PLB1: variants seen among roughly 807,000 people sequenced by gnomAD.
PLB1 encodes the protein phospholipase B1.
A neutral mutation model predicts 227.4 loss-of-function variants in PLB1; 242 were observed. The ratio of observed to expected loss-of-function variants is 1.06; its 90% CI spans 0.96 to 1.18. The LOEUF (loss-of-function observed/expected upper bound fraction) is 1.18, where lower values mean the gene tolerates loss of function less well. Among genes scored for constraint, PLB1 ranks in the 50% most tolerant of loss-of-function variants. The pLI, the probability that PLB1 is intolerant of heterozygous loss-of-function variation, is 0.00. For missense variants in PLB1, 1,858 were observed against 1,816.3 expected (o/e 1.02, Z -0.42); for synonymous variants, 757 against 682.2 (o/e 1.11, Z -1.71).
chr2:28,579,783 G>A, intron 23 of PLB1, 76 bp downstream of exon 23: 1 of 1,268,292 alleles, frequency 7.9e-7, no homozygotes, highest in Non-Finnish European at 1.2e-6. Context: ...GCTCTGCCCG[G>A]GAGGAGTACA....
intron 51 of PLB1, 29 bp downstream of exon 51, chr2:28,626,537 C>G (rs773848580): frequency 2.5e-6 from 4 of 1,596,720 alleles, no homozygotes; most frequent in Non-Finnish European, 2.6e-6. Flanking sequence ...CCATGGGGAC[C>G]TGAGAAGGAA....
At chr2:28,611,568 A>G (rs968169111) in intron 43 of PLB1, among the ~76,000 whole-genome samples, 1 of 151,708 alleles carries the variant, frequency 6.6e-6, no homozygotes, top group Admixed American at 6.6e-5. Flanking sequence ...CTGTCTCCCC[A>G]CCTGAGCCAA....
At chr2:28,586,810 C>T (rs1473577989) in intron 26 of PLB1, among the ~76,000 whole-genome samples, 1 of 152,150 alleles carries the variant, frequency 6.6e-6, no homozygotes, top group Admixed American at 6.5e-5. Context: ...TGCAGTGGCA[C>T]AATCTTGGCT....
intron 41 of PLB1, among the ~76,000 whole-genome samples, chr2:28,605,482 A>C (rs563742185): frequency 6.6e-6 from 1 of 152,078 alleles, no homozygotes; most frequent in African/African-American, 2.4e-5. Flanking sequence ...CCAGCAGACC[A>C]AAAGCTGGGA....
intron 17 of PLB1, among the ~76,000 whole-genome samples, chr2:28,560,107 G>A (rs1180055655): frequency 6.6e-6 from 1 of 152,124 alleles, no homozygotes; most frequent in East Asian, 1.9e-4. Context: ...ACAACTTTCA[G>A]TTTATCCTTC....
chr2:28,519,905 T>C lies in PLB1; in HGVS notation c.243+142T>C, dbSNP rs1669290590. On this transcript the variant is annotated intron_variant, in intron 4 of 57. Coordinates refer to ENST00000327757, the MANE Select transcript of PLB1 (RefSeq NM_153021.5). ...AGATAAATCCAGGAGGTTGAATCTT[T>C]TTATTTTTATTTTATTTTATTATTT... 4 of 352,768 alleles carry C rather than the reference T, an allele frequency of 1.1e-5. No individual in the cohort carries two copies. In the Admixed American group the frequency reaches 1.9e-4, roughly 17 times the overall value. The allele number at this position is 352,768 out of a possible 1,614,324, so 21.9% of individuals were successfully genotyped here.
chr2:28,623,828 G>A (rs1325154272), intron 49 of PLB1, among the ~76,000 whole-genome samples: 1 of 152,216 alleles, frequency 6.6e-6, no homozygotes, highest in African/African-American at 2.4e-5. Flanking sequence ...TTGGCTGGGT[G>A]CGGTGGCTCA....
At chr2:28,622,719 C>T (rs749526444) in intron 49 of PLB1, among the ~76,000 whole-genome samples, 2 of 152,174 alleles carry the variant, frequency 1.3e-5, no homozygotes, top group Non-Finnish European at 2.9e-5. Context: ...GAAACCCCAT[C>T]TCTACTAAAA....
At chr2:28,620,726 A>C in intron 48 of PLB1, 83 bp downstream of exon 48, 2 of 1,586,850 alleles carry the variant, frequency 1.3e-6, no homozygotes, top group Non-Finnish European at 1.7e-6. Flanking sequence ...GGGGAAGAGG[A>C]GGTTATCTGC....
chr2:28,547,536 CAG>C (rs1673482553), intron 14 of PLB1, among the ~76,000 whole-genome samples: 3 of 152,340 alleles, frequency 2.0e-5, no homozygotes, highest in African/African-American at 4.8e-5. Context: ...TATTGGGGCA[CAG>C]ATGCTGGGGT....
intron 9 of PLB1, among the ~76,000 whole-genome samples, chr2:28,537,825 T>C (rs770525895): frequency 7.2e-5 from 11 of 152,072 alleles, no homozygotes; most frequent in Non-Finnish European, 1.2e-4. Context: ...TCTCTAGGAA[T>C]GCTTATCTTA....
At chr2:28,633,470 G>A (rs1195162638) in intron 56 of PLB1, 6 of 167,842 alleles carry the variant, frequency 3.6e-5, no homozygotes, top group Non-Finnish European at 7.8e-5. Flanking sequence ...ATGGCACCTA[G>A]CACAATAGTT....
chr2:28,561,129 T>G (rs1277672721), intron 17 of PLB1, among the ~76,000 whole-genome samples: 1 of 152,248 alleles, frequency 6.6e-6, no homozygotes, highest in African/African-American at 2.4e-5. Context: ...CACACCTCTT[T>G]TAGTGTTTAT....
At chr2:28,604,364 G>C (rs1034096827) in intron 40 of PLB1, among the ~76,000 whole-genome samples, 3 of 152,200 alleles carry the variant, frequency 2.0e-5, no homozygotes, top group African/African-American at 7.2e-5. Context: ...CCACTCCAAA[G>C]GCAGGTGCCG....
intron 2 of PLB1, among the ~76,000 whole-genome samples, chr2:28,517,480 T>C (rs746393612): frequency 6.6e-6 from 1 of 152,164 alleles, no homozygotes; most frequent in Non-Finnish European, 1.5e-5. Context: ...ACCTGAGTAC[T>C]GGTCACCAAT....
chr2:28,630,062 T>G (rs1490541454), intron 53 of PLB1, among the ~76,000 whole-genome samples: 1 of 152,194 alleles, frequency 6.6e-6, no homozygotes. Context: ...TTGTCAGAGT[T>G]GCTTCCAGCC....
At position 28,614,105 on chromosome 2, in the gene PLB1, T is replaced by C; in HGVS notation, c.3195+9T>C. ...TCAAGCCAGCCATTGAGGTAACCCC[T>C]GACTCACATCTGCCTCTCTCAGACA... On this transcript the variant is annotated intron_variant, in intron 44 of 57. Coordinates refer to ENST00000327757, the MANE Select transcript of PLB1 (RefSeq NM_153021.5). 1.2e-6 allele frequency: 2 copies of C among 1,606,340 alleles called. No individual in the cohort carries two copies. Among genetic ancestry groups the C allele is most frequent in the South Asian group, 2.2e-5 (2 of 90,918 alleles).
chr2:28,593,998 A>G (rs1161863002), intron 33 of PLB1: 1 of 737,878 alleles, frequency 1.4e-6, no homozygotes, highest in South Asian at 1.4e-5. Flanking sequence ...TTCTTATCAG[A>G]CTCCTGGGTC....
At chr2:28,507,730 C>T (rs1667786794) in intron 1 of PLB1, among the ~76,000 whole-genome samples, 1 of 152,148 alleles carries the variant, frequency 6.6e-6, no homozygotes, top group African/African-American at 2.4e-5. Context: ...CTGCTTTCCT[C>T]CCTTGGGGCA....
Sources: gnomAD v4.1 joint callset for allele counts (sites outside exome capture counted in the v4.1 genomes callset) on GRCh38, gnomAD v4.1.1 for gene constraint, MANE v1.5 for transcripts, NCBI Gene and HGNC (gene_info 2026-07-23, HGNC 2026-07-21) for gene names.